REEP4: variants seen among roughly 807,000 people sequenced by gnomAD.
The protein encoded by REEP4 is receptor expression-enhancing protein 4.
REEP4 carries 17 observed loss-of-function variants against 33.5 expected under a neutral mutation model. That is an observed-to-expected ratio of 0.51 (90% CI 0.35 to 0.76). The LOEUF (loss-of-function observed/expected upper bound fraction) is 0.76. Among genes scored for constraint, REEP4 ranks in the 30% least tolerant of loss-of-function variants. The pLI is 0.01. For missense variants in REEP4, 340 were observed against 357.9 expected (o/e 0.95, Z 0.40); for synonymous variants, 157 against 142.9 (o/e 1.10, Z -0.70).
rs866185996 is a variant in REEP4 at position 22,138,166 on chromosome 8, G to A, written c.*321C>T. On this transcript the variant is annotated 3_prime_UTR_variant, in exon 8 of 8. Coordinates refer to ENST00000306306, the MANE Select transcript of REEP4 (RefSeq NM_025232.4). ...CAGGAAGGAATGAACACACCCAGGT[G>A]GACGTTTGGTTTCATTTGCAGGGGT... 2 of 601,546 alleles carry A rather than the reference G, an allele frequency of 3.3e-6. No homozygotes were observed. Among genetic ancestry groups the A allele is most frequent in the South Asian group, 2.0e-5 (1 of 51,008 alleles). 37.3% of individuals were successfully genotyped at this position (601,546 alleles called of 1,614,324 possible). A position where few individuals can be genotyped will look rare whatever the true frequency, so the allele number is the denominator to read the frequency against.
chr8:22,140,016 C>T lies in REEP4; in HGVS notation c.250G>A (p.Ala84Thr), dbSNP rs372969967. The T allele has an allele frequency of 2.3e-5, 37 of 1,601,978 alleles. No individual in the cohort carries two copies. The East Asian group carries it at 2.5e-4, about 11-fold the overall frequency. ...ACAAACTTGCGGTAAAGCAGGCTGG[C>T]GCCCTTGGTGTAGGGTGAGAGCAGC... ...LWLLSPYTKG[A>T]SLLYRKFVHP... Residue 84 changes from alanine (A) to threonine (T), a missense_variant, in exon 4 of 8, where the codon GCC (alanine) becomes ACC (threonine). Physicochemically the swap from Ala to Thr is moderately conservative, Grantham distance 58. Transcript: ENST00000306306.
intron 1 of REEP4, 31 bp downstream of exon 1, chr8:22,141,420 G>A (rs1207780970): frequency 6.3e-7 from 1 of 1,598,054 alleles, no homozygotes; most frequent in Non-Finnish European, 8.5e-7. Context: ...GCACCCCGGG[G>A]TAGAGGAGGT....
At position 22,141,607 on chromosome 8, in the gene REEP4, C is replaced by T; in HGVS notation, c.-125G>A. On this transcript the variant is annotated 5_prime_UTR_variant, in exon 1 of 8. Transcript: ENST00000306306. Reference sequence around the variant, plus strand: ...GCAGAGGGGCGATCCGGCTGTCCCTCGGCGGAGGCAGAGCCCGCCGCCCAC... The same window carrying T: ...GCAGAGGGGCGATCCGGCTGTCCCTTGGCGGAGGCAGAGCCCGCCGCCCAC... The T allele has an allele frequency of 9.8e-7, 1 of 1,024,080 alleles. No homozygotes were observed. The highest frequency in any genetic ancestry group is 1.8e-5 in the South Asian group (1 of 56,320). 63.4% of individuals were successfully genotyped at this position (1,024,080 alleles called of 1,614,324 possible). A position where few individuals can be genotyped will look rare whatever the true frequency, so the allele number is the denominator to read the frequency against.
chr8:22,140,950 A>T (rs1379337120), intron 1 of REEP4, among the ~76,000 whole-genome samples: 1 of 152,254 alleles, frequency 6.6e-6, no homozygotes, highest in East Asian at 1.9e-4. Flanking sequence ...CAGCCACTCC[A>T]CGAAGTGGGT....
At position 22,138,514 on chromosome 8, in the gene REEP4, CTT is replaced by C. The variant is rs772568428; in HGVS notation, c.745_746del (p.Lys249AspfsTer55). On this transcript the variant is annotated frameshift_variant, in exon 8 of 8. Coordinates refer to ENST00000306306, the MANE Select transcript of REEP4 (RefSeq NM_025232.4). LOFTEE classifies it high-confidence loss of function. ...SRSLKVRTRKKTVPSDVDS is the reference protein window; with the variant it reads ...SRSLKVRTRKXTVPSDVDS ...AGCTGTCCACGTCTGAGGGCACAGT[CTT>C]TTTCCTCGTCCGAACCTTCAGGGAG... The C allele has an allele frequency of 6.2e-7, 1 of 1,613,884 alleles. No individual in the cohort carries two copies. Among genetic ancestry groups the C allele is most frequent in the Admixed American group, 1.7e-5 (1 of 60,024 alleles).
chr8:22,139,948 T>C lies in REEP4; in HGVS notation c.303+15A>G. Reference sequence around the variant, plus strand: ...CCCACCCCTAAGCCTCCCTTCCCGCTTCCCCCTGGGGTACCTTCTCATGGC... The same window carrying C: ...CCCACCCCTAAGCCTCCCTTCCCGCCTCCCCCTGGGGTACCTTCTCATGGC... On this transcript the variant is annotated intron_variant, in intron 4 of 7. Coordinates refer to ENST00000306306, the MANE Select transcript of REEP4 (RefSeq NM_025232.4). The C allele has an allele frequency of 6.3e-7, 1 of 1,576,500 alleles. No individual in the cohort carries two copies. Among genetic ancestry groups the C allele is most frequent in the Non-Finnish European group, 8.6e-7 (1 of 1,160,060 alleles).
rs1232843398 is a variant in REEP4 at position 22,139,509 on chromosome 8, C to T, written c.324G>A (p.Val108=). The change falls in exon 5 of 8, where the codon GTG becomes GTA. Residue 108 remains valine (V), a synonymous_variant. Transcript: ENST00000306306. ...TCTCGTAGCTGCGCTCCTTGGCCTG[C>T]ACGATGTACGCGTCGATCTCCTGTG... ...RHEKEIDAYI[V]QAKERSYETV... 2 of 1,610,182 alleles carry T rather than the reference C, an allele frequency of 1.2e-6. No homozygotes were observed. Among genetic ancestry groups the T allele is most frequent in the Non-Finnish European group, 1.7e-6 (2 of 1,179,746 alleles).
rs1415639681 is a variant in REEP4 at position 22,141,783 on chromosome 8, G to T, written c.-301C>A. 1 of 371,422 alleles carries T rather than the reference G, an allele frequency of 2.7e-6. No homozygotes were observed. The highest frequency in any genetic ancestry group is 4.2e-5 in the East Asian group (1 of 24,060). 23.0% of individuals were successfully genotyped at this position (371,422 alleles called of 1,614,324 possible). A position where few individuals can be genotyped will look rare whatever the true frequency, so the allele number is the denominator to read the frequency against. On this transcript the variant is annotated 5_prime_UTR_variant, in exon 1 of 8. Transcript: ENST00000306306. ...CCGCCCTTTCTGCCGCGGAGAACCT[G>T]GCGCTCGGCCCTTGCTGCTGGTCCC...
In REEP4 at chr8:22,138,385, G is replaced by C. The variant is rs190510157; in HGVS notation, c.*102C>G. ...GCAGGAGTCAGGAGGGTGGGGCCCA[G>C]GCAGCTGGTGCAGGCAGGCCAGATG... On this transcript the variant is annotated 3_prime_UTR_variant, in exon 8 of 8. Coordinates refer to ENST00000306306, the MANE Select transcript of REEP4 (RefSeq NM_025232.4). 1.3e-4 allele frequency: 177 copies of C among 1,384,310 alleles called. 1 individual carries two copies. The East Asian group carries it at 3.3e-3, about 26-fold the overall frequency. The allele number at this position is 1,384,310 out of a possible 1,614,324, so 85.8% of individuals were successfully genotyped here. A position where few individuals can be genotyped will look rare whatever the true frequency, so the allele number is the denominator to read the frequency against.
At chr8:22,138,594 C>T in intron 7 of REEP4, 42 bp from the exon 8 acceptor site, 1 of 1,613,910 alleles carries the variant, frequency 6.2e-7, no homozygotes, top group South Asian at 1.1e-5. Context: ...TGGGGAGCAC[C>T]AGCCAGCAGA....
rs780680535 is a variant in REEP4 at position 22,138,957 on chromosome 8, C to T, written c.522G>A (p.Glu174=). 3.1e-6 allele frequency: 5 copies of T among 1,604,376 alleles called. No individual in the cohort carries two copies. Among genetic ancestry groups the T allele is most frequent in the Non-Finnish European group, 3.4e-6 (4 of 1,176,038 alleles). The change falls in exon 6 of 8, where the codon GAG becomes GAA. Residue 174 remains glutamate, a synonymous_variant. Coordinates refer to ENST00000306306, the MANE Select transcript of REEP4 (RefSeq NM_025232.4). ...GTGGCCTCCGGTGGGACACCTGGTC[C>T]TCCAGGTAGAGGGGGTCATGGTAGG... is the stretch of plus-strand genomic sequence containing the variant. ...APAYHDPLYL[E]DQVSHRRPPI... is the part of the protein sequence containing the mutation.
intron 3 of REEP4, 44 bp from the exon 4 acceptor site, chr8:22,140,127 G>C (rs371106889): frequency 4.0e-5 from 65 of 1,614,022 alleles, no homozygotes; most frequent in Non-Finnish European, 4.9e-5. Context: ...AGCAGGGCTG[G>C]GGGGGCCACC....
At chr8:22,139,840 G>T in intron 4 of REEP4, 123 bp downstream of exon 4, 1 of 1,240,674 alleles carries the variant, frequency 8.1e-7, no homozygotes, top group Non-Finnish European at 1.1e-6. Context: ...TCAAGGTCCT[G>T]CCCCTCAATA....
chr8:22,140,480 C>A (rs904826316), intron 2 of REEP4, 145 bp downstream of exon 2: 19 of 842,226 alleles, frequency 2.3e-5, no homozygotes, highest in Middle Eastern at 2.3e-4. Flanking sequence ...CTATCTACAC[C>A]CTCTTGAACA....
In REEP4 at chr8:22,139,069, G is replaced by T; in HGVS notation, c.418-8C>A. ...GGCCAGCGCCCCCTGACTCTGCGAG[G>T]GGGAAGAGGCTTCAGCGGGGAGGCT... On this transcript the variant is annotated splice_region_variant and splice_polypyrimidine_tract_variant and intron_variant, in intron 5 of 7. Coordinates refer to ENST00000306306, the MANE Select transcript of REEP4 (RefSeq NM_025232.4). 1 of 1,565,938 alleles carries T rather than the reference G, an allele frequency of 6.4e-7. No individual in the cohort carries two copies. Among genetic ancestry groups the T allele is most frequent in the Non-Finnish European group, 8.6e-7 (1 of 1,156,848 alleles).
intron 5 of REEP4, 96 bp downstream of exon 5, chr8:22,139,320 C>T: frequency 9.1e-7 from 1 of 1,095,696 alleles, no homozygotes; most frequent in Non-Finnish European, 1.4e-6. Context: ...TGCTCCCCGG[C>T]TGCCATCTCT....
chr8:22,138,151 T>C lies in REEP4; in HGVS notation c.*336A>G. ...AAGTACTTTGAAGGACAGGAAGGAA[T>C]GAACACACCCAGGTGGACGTTTGGT... On this transcript the variant is annotated 3_prime_UTR_variant, in exon 8 of 8. Transcript: ENST00000306306. 1 of 597,296 alleles carries C rather than the reference T, an allele frequency of 1.7e-6. No homozygotes were observed. Among genetic ancestry groups the C allele is most frequent in the Non-Finnish European group, 3.0e-6 (1 of 334,440 alleles). 37.0% of individuals were successfully genotyped at this position (597,296 alleles called of 1,614,324 possible).
intron 1 of REEP4, among the ~76,000 whole-genome samples, chr8:22,140,924 T>C (rs1326703534): frequency 6.6e-6 from 1 of 151,944 alleles, no homozygotes; most frequent in East Asian, 1.9e-4. Context: ...CATGGGTGCA[T>C]GATGGAGTGA....
Position 22,140,085 on chromosome 8 carries a change from T to C in REEP4, c.183-2A>G, listed in dbSNP as rs534672756. ...TTGATCTCATAGTAGAAAGGGAACCTGTCACAGCACAAGGGGCAGGGTGAG... is the reference window on the plus strand; with the variant it reads ...TTGATCTCATAGTAGAAAGGGAACCCGTCACAGCACAAGGGGCAGGGTGAG... On this transcript the variant is annotated splice_acceptor_variant, in intron 3 of 7. Transcript: ENST00000306306. LOFTEE classifies it high-confidence loss of function. The C allele has an allele frequency of 1.2e-6, 2 of 1,613,966 alleles. No individual in the cohort carries two copies. The highest frequency in any genetic ancestry group is 2.7e-5 in the African/African-American group (2 of 75,028).
Sources: gnomAD v4.1 joint callset for allele counts (sites outside exome capture counted in the v4.1 genomes callset) on GRCh38, gnomAD v4.1.1 for gene constraint, MANE v1.5 for transcripts, NCBI Gene and HGNC (gene_info 2026-07-23, HGNC 2026-07-21) for gene names.